The following TMEM132D variants were observed in gnomAD, a reference collection of about 807,000 sequenced individuals.
TMEM132D encodes mature OL transmembrane protein.
Under a neutral mutation model 62.3 loss-of-function variants are expected in TMEM132D, and 21 were observed. That is an observed-to-expected ratio of 0.34 (90% CI 0.24 to 0.49). TMEM132D has a LOEUF of 0.49. Ranked by LOEUF, TMEM132D falls within the 20% of genes least tolerant of loss-of-function variation. The pLI is 0.99. For synonymous variants in TMEM132D, 621 were observed against 575.6 expected (o/e 1.08, Z -1.13); for missense variants, 1,346 against 1,402.8 (o/e 0.96, Z 0.65).
intron 2 of TMEM132D, among the ~76,000 whole-genome samples, chr12:129,561,469 T>C (rs1352047328): frequency 6.6e-6 from 1 of 152,222 alleles, no homozygotes; most frequent in Non-Finnish European, 1.5e-5. Context: ...AGTTTCTTCA[T>C]GTCACACTAA....
At chr12:129,833,733 G>A (rs1872914906) in intron 1 of TMEM132D, among the ~76,000 whole-genome samples, 1 of 152,096 alleles carries the variant, frequency 6.6e-6, no homozygotes, top group Non-Finnish European at 1.5e-5. Flanking sequence ...ACAGCCCATT[G>A]CCACAGGCAC....
At chr12:129,895,962 TC>T (rs1451258765) in intron 1 of TMEM132D, among the ~76,000 whole-genome samples, 3,720 of 136,080 alleles carry the variant, frequency 0.027, 91 homozygotes, top group African/African-American at 0.066. Context: ...TCTCTGTCTC[TC>T]TTTTTTTTTT....
At chr12:129,740,834 T>C (rs934965294) in intron 1 of TMEM132D, among the ~76,000 whole-genome samples, 1 of 152,210 alleles carries the variant, frequency 6.6e-6, no homozygotes, top group African/African-American at 2.4e-5. Context: ...ATAAAGTAAG[T>C]TGATGGTGCA....
intron 1 of TMEM132D, among the ~76,000 whole-genome samples, chr12:129,758,578 G>A (rs966629501): frequency 2.6e-5 from 4 of 152,114 alleles, no homozygotes; most frequent in Non-Finnish European, 5.9e-5. Context: ...TATGCTCCTA[G>A]TATACACTTC....
chr12:129,173,107 A>G (rs893632333), intron 5 of TMEM132D, among the ~76,000 whole-genome samples: 4 of 152,226 alleles, frequency 2.6e-5, no homozygotes, highest in Non-Finnish European at 4.4e-5. Flanking sequence ...AGCTTGATAT[A>G]TTGTGAGAGT....
rs1397350759 is a variant in TMEM132D at position 129,088,953 on chromosome 12, G to A, written c.1444-4251C>T. Among the ~76,000 whole-genome samples, 4 of 37,556 alleles carry A rather than the reference G, an allele frequency of 1.1e-4. 2 individuals are homozygous for A. Among genetic ancestry groups the A allele is most frequent in the Non-Finnish European group, 1.7e-4 (4 of 23,134 alleles). The allele number at this position is 37,556 out of a possible 152,430, so 24.6% of individuals were successfully genotyped here. Reference sequence around the variant, plus strand: ...CCATGACCGGGTGTCCTCCATGACCGGGTGTCCTCCCTGACCGGGATGTCC... The same window carrying A: ...CCATGACCGGGTGTCCTCCATGACCAGGTGTCCTCCCTGACCGGGATGTCC... On this transcript the variant is annotated intron_variant, in intron 5 of 8. Transcript: ENST00000422113.
chr12:129,182,001 C>A (rs1878078888), intron 5 of TMEM132D, among the ~76,000 whole-genome samples: 1 of 152,136 alleles, frequency 6.6e-6, no homozygotes, highest in African/African-American at 2.4e-5. Context: ...CAATATCAAA[C>A]ATAGAATCAA....
At chr12:129,749,876 T>C (rs570215266) in intron 1 of TMEM132D, among the ~76,000 whole-genome samples, 74 of 152,344 alleles carry the variant, frequency 4.9e-4, no homozygotes, top group Non-Finnish European at 9.1e-4. Flanking sequence ...CATTCTGTCA[T>C]CTGCCAAGAA....
chr12:129,369,121 G>A (rs1238747234), intron 3 of TMEM132D, among the ~76,000 whole-genome samples: 1 of 152,132 alleles, frequency 6.6e-6, no homozygotes, highest in Non-Finnish European at 1.5e-5. Flanking sequence ...AAGGCTATTC[G>A]ACTTGGACCT....
chr12:129,230,805 A>G (rs909274028), intron 4 of TMEM132D, among the ~76,000 whole-genome samples: 2 of 152,226 alleles, frequency 1.3e-5, no homozygotes, highest in Non-Finnish European at 2.9e-5. Flanking sequence ...CTCTGCTAAC[A>G]GTATTCAAAT....
chr12:129,695,016 A>T (rs1053335206), intron 2 of TMEM132D, among the ~76,000 whole-genome samples: 4 of 151,276 alleles, frequency 2.6e-5, no homozygotes, highest in Admixed American at 1.3e-4. Context: ...TCAAAAAAAT[A>T]AAAAATAAAT....
intron 3 of TMEM132D, among the ~76,000 whole-genome samples, chr12:129,385,413 G>C (rs1381543676): frequency 2.6e-5 from 4 of 151,928 alleles, no homozygotes; most frequent in Non-Finnish European, 4.4e-5. Flanking sequence ...GCCCTAAAGT[G>C]CTTCTTAAAC....
At chr12:129,261,440 C>T (rs1310278483) in intron 4 of TMEM132D, among the ~76,000 whole-genome samples, 1 of 152,136 alleles carries the variant, frequency 6.6e-6, no homozygotes, top group African/African-American at 2.4e-5. Flanking sequence ...GTAAGATGTG[C>T]CTTTGCTCCT....
chr12:129,081,693 T>C (rs983225108), intron 7 of TMEM132D, 66 bp downstream of exon 7: 7 of 1,517,438 alleles, frequency 4.6e-6, no homozygotes, highest in Admixed American at 4.4e-5. Flanking sequence ...TGGTTTCTCC[T>C]CTAGGTAGAG....
intron 1 of TMEM132D, among the ~76,000 whole-genome samples, chr12:129,863,789 T>G (rs1873974163): frequency 6.6e-6 from 1 of 152,166 alleles, no homozygotes; most frequent in African/African-American, 2.4e-5. Context: ...GTTTTTGTTT[T>G]TTTGGGGGGG....
chr12:129,400,380 G>C (rs189699612), intron 3 of TMEM132D, among the ~76,000 whole-genome samples: 6 of 152,216 alleles, frequency 3.9e-5, no homozygotes, highest in African/African-American at 1.4e-4. Context: ...AGCTAATTTT[G>C]TTCTTGTTGC....
At chr12:129,875,449 G>A (rs1215613104) in intron 1 of TMEM132D, among the ~76,000 whole-genome samples, 1 of 152,212 alleles carries the variant, frequency 6.6e-6, no homozygotes, top group African/African-American at 2.4e-5. Flanking sequence ...TTCCTGGTAA[G>A]GGCCCGGCTC....
At chr12:129,617,180 T>C (rs1878941724) in intron 2 of TMEM132D, among the ~76,000 whole-genome samples, 1 of 152,196 alleles carries the variant, frequency 6.6e-6, no homozygotes, top group Admixed American at 6.5e-5. Context: ...TGAGAACTGA[T>C]GGAGAAAACA....
intron 5 of TMEM132D, among the ~76,000 whole-genome samples, chr12:129,117,603 G>C (rs553037073): frequency 1.3e-5 from 2 of 152,132 alleles, no homozygotes; most frequent in Non-Finnish European, 2.9e-5. Flanking sequence ...TCAAAGCTGG[G>C]ACCCAGCCTT....
Sources: allele counts gnomAD v4.1 joint callset (sites outside exome capture counted in the v4.1 genomes callset), GRCh38; gene constraint gnomAD v4.1.1; transcripts MANE v1.5; gene names NCBI Gene and HGNC (gene_info 2026-07-23, HGNC 2026-07-21).